The following NKAIN2 variants were observed in gnomAD, a reference collection of about 807,000 sequenced individuals.
NKAIN2 encodes the protein sodium/potassium transporting ATPase interacting 2.
NKAIN2 carries 14 observed loss-of-function variants against 32.6 expected under a neutral mutation model. The ratio of observed to expected loss-of-function variants is 0.43; its 90% CI spans 0.28 to 0.67. The LOEUF is 0.67. NKAIN2 is among the 30% of genes least tolerant of loss of function. The pLI, the probability that NKAIN2 is intolerant of heterozygous loss-of-function variation, is 0.17. For missense variants in NKAIN2, 198 were observed against 258.3 expected, an observed-to-expected ratio of 0.77 and a Z score of 1.60; for synonymous variants, 80 against 87.2, an observed-to-expected ratio of 0.92 and a Z score of 0.46.
rs137918669 is a variant in NKAIN2 at position 124,107,560 on chromosome 6, G to T, written c.55-175445G>T. ...ATGGTTTAAAAAAGACTTAACATGA[G>T]GTCTACAATCTTAGCAAATATTTCA... On this transcript the variant is annotated intron_variant, in intron 1 of 6. Transcript: ENST00000368417. 3.1e-3 allele frequency among the ~76,000 whole-genome samples: 470 copies of T among 152,162 alleles called. 1 individual carries two copies. The highest frequency in any genetic ancestry group is 0.01 in the African/African-American group (434 of 41,526).
At chr6:124,073,613 T>C (rs934814342) in intron 1 of NKAIN2, among the ~76,000 whole-genome samples, 1 of 152,140 alleles carries the variant, frequency 6.6e-6, no homozygotes, top group Non-Finnish European at 1.5e-5. Flanking sequence ...TGGACACTTA[T>C]ATTTTAAAGT....
At chr6:124,799,144 A>AAC (rs1780143554) in intron 5 of NKAIN2, among the ~76,000 whole-genome samples, 1 of 152,206 alleles carries the variant, frequency 6.6e-6, no homozygotes, top group African/African-American at 2.4e-5. Flanking sequence ...CTAAGTGATC[A>AAC]ACACCTGAGA....
intron 1 of NKAIN2, among the ~76,000 whole-genome samples, chr6:124,215,642 A>T (rs1483087385): frequency 1.3e-5 from 2 of 152,184 alleles, no homozygotes; most frequent in Non-Finnish European, 2.9e-5. Context: ...TTCTCAATCT[A>T]GAATTTTATA....
intron 4 of NKAIN2, among the ~76,000 whole-genome samples, chr6:124,778,876 G>A (rs1475897032): frequency 6.6e-6 from 1 of 152,060 alleles, no homozygotes; most frequent in Non-Finnish European, 1.5e-5. Context: ...CTTCTTGTAG[G>A]AATGGCTGAA....
intron 1 of NKAIN2, among the ~76,000 whole-genome samples, chr6:124,262,466 T>A (rs1794298216): frequency 2.0e-5 from 3 of 152,194 alleles, no homozygotes; most frequent in Admixed American, 2.0e-4. Context: ...ATTTGTTTTG[T>A]CTTCTAAAGA....
chr6:124,679,751 AT>A (rs1344369343), intron 4 of NKAIN2, among the ~76,000 whole-genome samples: 1 of 152,042 alleles, frequency 6.6e-6, no homozygotes, highest in Non-Finnish European at 1.5e-5. Context: ...AAAAGTCTCT[AT>A]TTTTTTCACA....
intron 1 of NKAIN2, among the ~76,000 whole-genome samples, chr6:124,005,700 G>A (rs1365077899): frequency 2.0e-5 from 3 of 152,142 alleles, no homozygotes; most frequent in African/African-American, 7.2e-5. Flanking sequence ...TTTCCTTGAA[G>A]GAAATTTGTA....
intron 1 of NKAIN2, among the ~76,000 whole-genome samples, chr6:123,973,041 G>T (rs1336943437): frequency 2.0e-5 from 3 of 151,986 alleles, no homozygotes; most frequent in Admixed American, 6.6e-5. Context: ...TGTTCCAGTT[G>T]CCAAAACAAA....
intron 3 of NKAIN2, among the ~76,000 whole-genome samples, chr6:124,416,678 G>T (rs1228626203): frequency 6.6e-6 from 1 of 152,070 alleles, no homozygotes; most frequent in Non-Finnish European, 1.5e-5. Context: ...TGTCAGAGGA[G>T]ATATAGTGAA....
chr6:124,382,077 T>C (rs970358322), intron 3 of NKAIN2, among the ~76,000 whole-genome samples: 1 of 151,834 alleles, frequency 6.6e-6, no homozygotes, highest in Admixed American at 6.6e-5. Flanking sequence ...TATTTCTTTT[T>C]CTCTCATTGT....
chr6:124,081,359 G>A (rs1399650118), intron 1 of NKAIN2, among the ~76,000 whole-genome samples: 1 of 151,972 alleles, frequency 6.6e-6, no homozygotes, highest in Non-Finnish European at 1.5e-5. Context: ...AAGACATTTT[G>A]AAATAAGGTT....
At chr6:123,948,176 A>G (rs143577232) in intron 1 of NKAIN2, among the ~76,000 whole-genome samples, 1,531 of 152,156 alleles carry the variant, frequency 0.01, 18 homozygotes, top group Middle Eastern at 0.017. Flanking sequence ...CTATTGATGG[A>G]CACTTAGGTT....
intron 2 of NKAIN2, among the ~76,000 whole-genome samples, chr6:124,336,012 T>G (rs1161987912): frequency 6.6e-6 from 1 of 152,180 alleles, no homozygotes; most frequent in African/African-American, 2.4e-5. Flanking sequence ...ATCATCTTAC[T>G]GAAGCAAAGG....
chr6:124,738,061 G>C (rs547787600), intron 4 of NKAIN2, among the ~76,000 whole-genome samples: 1 of 151,944 alleles, frequency 6.6e-6, no homozygotes, highest in Admixed American at 6.6e-5. Context: ...AAGAAACAAA[G>C]AGCCAATGTT....
At chr6:124,422,401 A>G (rs1483605532) in intron 3 of NKAIN2, among the ~76,000 whole-genome samples, 3 of 152,140 alleles carry the variant, frequency 2.0e-5, no homozygotes, top group East Asian at 3.9e-4. Context: ...CAACTTGGAT[A>G]TTTTTATATC....
intron 4 of NKAIN2, among the ~76,000 whole-genome samples, chr6:124,667,947 C>G (rs1194091885): frequency 6.6e-6 from 1 of 152,046 alleles, no homozygotes; most frequent in Non-Finnish European, 1.5e-5. Context: ...TGTTCCCAAC[C>G]CACACATTCT....
chr6:124,508,095 GAAAAA>G (rs61476933), intron 3 of NKAIN2, among the ~76,000 whole-genome samples: 3 of 137,754 alleles, frequency 2.2e-5, no homozygotes, highest in Non-Finnish European at 4.7e-5. Flanking sequence ...TGTACCAAAA[GAAAAA>G]AAAAAAAAAA....
intron 1 of NKAIN2, among the ~76,000 whole-genome samples, chr6:123,809,981 A>G (rs905422768): frequency 6.6e-6 from 1 of 152,160 alleles, no homozygotes; most frequent in Admixed American, 6.5e-5. Flanking sequence ...ATACATTTTT[A>G]AATAATTTGT....
chr6:123,980,027 G>A (rs925198599), intron 1 of NKAIN2, among the ~76,000 whole-genome samples: 1 of 152,154 alleles, frequency 6.6e-6, no homozygotes, highest in African/African-American at 2.4e-5. Context: ...TAATTAGTTT[G>A]TGAACATTTG....
Sources: allele counts gnomAD v4.1 joint callset (sites outside exome capture counted in the v4.1 genomes callset), GRCh38; gene constraint gnomAD v4.1.1; transcripts MANE v1.5; gene names NCBI Gene and HGNC (gene_info 2026-07-23, HGNC 2026-07-21).